Variants in VASP observed in about 807,000 individuals in gnomAD.
VASP encodes the protein vasodilator stimulated phosphoprotein.
A neutral mutation model predicts 54.4 loss-of-function variants in VASP; 27 were observed. The ratio of observed to expected loss-of-function variants is 0.50; its 90% CI spans 0.37 to 0.68. VASP has a LOEUF of 0.68. Ranked by LOEUF, VASP falls within the 30% of genes least tolerant of loss-of-function variation. The probability of loss-of-function intolerance (pLI) is 0.00; values close to 1 mark genes in which losing one functional copy is unlikely to be tolerated. For synonymous variants in VASP, 233 were observed against 209.8 expected, an observed-to-expected ratio of 1.11 and a Z score of -0.96; for missense variants, 488 against 528.3, an observed-to-expected ratio of 0.92 and a Z score of 0.75.
At chr19:45,513,016 G>A (rs1968630997) in intron 1 of VASP, among the ~76,000 whole-genome samples, 1 of 152,138 alleles carries the variant, frequency 6.6e-6, no homozygotes, top group Non-Finnish European at 1.5e-5. Flanking sequence ...TGGGAACTTC[G>A]TTTCAACTAT....
At chr19:45,514,260 C>T (rs994998522) in intron 1 of VASP, among the ~76,000 whole-genome samples, 33 of 152,014 alleles carry the variant, frequency 2.2e-4, no homozygotes, top group Admixed American at 5.2e-4. Flanking sequence ...GACAGTGGAG[C>T]GGGAAGAAAT....
At chr19:45,525,772 G>A in intron 11 of VASP, 174 bp from the exon 12 acceptor site, 1 of 594,514 alleles carries the variant, frequency 1.7e-6, no homozygotes, top group Non-Finnish European at 3.0e-6. Context: ...GGGAGGCTAA[G>A]GCAGGAGGAT....
At chr19:45,521,441 C>T in intron 4 of VASP, 35 bp downstream of exon 4, 1 of 1,487,744 alleles carries the variant, frequency 6.7e-7, no homozygotes, top group Non-Finnish European at 9.0e-7. Context: ...ACCTTAGCCG[C>T]TGCCAGAGTT....
intron 1 of VASP, among the ~76,000 whole-genome samples, chr19:45,515,149 T>G (rs7256865): frequency 0.083 from 12,673 of 152,180 alleles, 595 homozygotes; most frequent in South Asian, 0.14. Flanking sequence ...GCCTAGGGAC[T>G]TTCCCTGCCC....
chr19:45,524,394 T>A lies in VASP; in HGVS notation c.957-176T>A, dbSNP rs79103247. On this transcript the variant is annotated intron_variant, in intron 10 of 12. Coordinates refer to ENST00000245932, the MANE Select transcript of VASP (RefSeq NM_003370.4). Reference sequence around the variant, plus strand: ...CAGCCTGAGAAATAGAATGTGACTGTCTCAAAACAAAACACAACAAACCAA... The same window carrying A: ...CAGCCTGAGAAATAGAATGTGACTGACTCAAAACAAAACACAACAAACCAA... 1.4e-3 allele frequency: 949 copies of A among 691,306 alleles called. 8 individuals carry two copies. The African/African-American group carries it at 0.016, about 11-fold the overall frequency. The allele number at this position is 691,306 out of a possible 1,614,324, so 42.8% of individuals were successfully genotyped here.
chr19:45,519,246 C>A (rs1221304905), intron 3 of VASP, among the ~76,000 whole-genome samples: 7 of 152,080 alleles, frequency 4.6e-5, no homozygotes, highest in African/African-American at 1.4e-4. Flanking sequence ...TATCTCCTGA[C>A]CTTGTGATCC....
chr19:45,516,343 G>T (rs8099878), intron 1 of VASP, among the ~76,000 whole-genome samples: 80,668 of 152,204 alleles, frequency 0.53, 21,581 homozygotes, highest in Middle Eastern at 0.64. Context: ...AGCCAGGCGA[G>T]GGGTGGGCAG....
At chr19:45,518,451 A>G (rs1308579980) in intron 3 of VASP, among the ~76,000 whole-genome samples, 1 of 152,104 alleles carries the variant, frequency 6.6e-6, no homozygotes, top group Non-Finnish European at 1.5e-5. Context: ...AATCCCAGCT[A>G]TTCGGGATGC....
intron 1 of VASP, among the ~76,000 whole-genome samples, chr19:45,515,260 C>T (rs1199111380): frequency 6.6e-6 from 1 of 152,154 alleles, no homozygotes; most frequent in Non-Finnish European, 1.5e-5. Flanking sequence ...CTCTGACCAC[C>T]AACTTCCCCA....
intron 1 of VASP, among the ~76,000 whole-genome samples, chr19:45,515,263 C>T (rs1437805749): frequency 1.3e-5 from 2 of 152,118 alleles, no homozygotes; most frequent in Non-Finnish European, 2.9e-5. Flanking sequence ...TGACCACCAA[C>T]TTCCCCATTT....
rs900666086 is a variant in VASP, at chr19:45,523,694, A to G, written c.872A>G (p.Asn291Ser). The G allele has an allele frequency of 1.1e-5, 18 of 1,613,976 alleles. No homozygotes were observed. The highest frequency in any genetic ancestry group is 8.0e-5 in the African/African-American group (6 of 74,924). Residue 291 changes from asparagine to serine, a missense_variant and splice_region_variant, in exon 8 of 13, where the codon AAT (asparagine) becomes AGT (serine). Physicochemically the swap from Asn to Ser is conservative, Grantham distance 46. Around this residue, in one of 4 missense-constraint regions of VASP, gnomAD observed 126 missense variants for 134.8 expected, o/e 0.94. Coordinates refer to ENST00000245932, the MANE Select transcript of VASP (RefSeq NM_003370.4). ...GEKTPKDESANQEEPEARVPA... is the reference protein window; with the variant it reads ...GEKTPKDESASQEEPEARVPA... ...AAAACCCCCAAGGATGAATCTGCCA[A>G]TGTAAGTCAGGGACTCTTCTTGCCC...
Position 45,507,747 on chromosome 19 carries a change from C to G in VASP, c.-25C>G. On this transcript the variant is annotated 5_prime_UTR_variant, in exon 1 of 13. Transcript: ENST00000245932. This position sits in a 1 kb window ranked among gnomAD's most constrained non-coding sequence, Gnocchi z 4.4. ...GCCCCGGGAGCAGCCAGCCCGTGGG[C>G]GAGCCGCCCGCCCGCCGAGCAGCCA... The G allele has an allele frequency of 6.6e-7, 1 of 1,510,490 alleles. No homozygotes were observed. Among genetic ancestry groups the G allele is most frequent in the Non-Finnish European group, 8.8e-7 (1 of 1,136,562 alleles). 93.6% of individuals were successfully genotyped at this position (1,510,490 alleles called of 1,614,324 possible).
At chr19:45,524,028 T>TGG in intron 9 of VASP, 69 bp from the exon 10 acceptor site, 1 of 1,602,362 alleles carries the variant, frequency 6.2e-7, no homozygotes, top group Non-Finnish European at 8.5e-7. Flanking sequence ...CTGATGAGGT[T>TGG]GGGGGAGTAA....
chr19:45,508,079 T>A (rs1159519725), intron 1 of VASP, among the ~76,000 whole-genome samples: 1 of 150,956 alleles, frequency 6.6e-6, no homozygotes, highest in African/African-American at 2.4e-5. Context: ...TGGCAGCGAC[T>A]CCCCGCAGGG....
chr19:45,514,747 A>G (rs531808394), intron 1 of VASP, among the ~76,000 whole-genome samples: 15 of 152,174 alleles, frequency 9.9e-5, no homozygotes, highest in Non-Finnish European at 1.5e-4. Flanking sequence ...GGTGTGGGTG[A>G]GGCCGAGGCC....
intron 1 of VASP, among the ~76,000 whole-genome samples, chr19:45,511,138 C>T (rs573379982): frequency 2.1e-4 from 32 of 152,136 alleles, no homozygotes; most frequent in African/African-American, 5.3e-4. Flanking sequence ...GCCCCATCCC[C>T]GACAAAAGAA....
intron 11 of VASP, among the ~76,000 whole-genome samples, chr19:45,525,620 C>A (rs1035187769): frequency 6.6e-6 from 1 of 152,094 alleles, no homozygotes; most frequent in East Asian, 1.9e-4. Context: ...ATCGCTTGAA[C>A]CCGGGAGCCA....
chr19:45,509,517 C>CCCCCCA (rs1555727392), intron 1 of VASP, among the ~76,000 whole-genome samples: 58 of 151,094 alleles, frequency 3.8e-4, no homozygotes, highest in Non-Finnish European at 8.0e-4. Context: ...CCCTGTCCTC[C>CCCCCCA]CCACCACCAC....
chr19:45,510,336 C>G (rs112561116), intron 1 of VASP, among the ~76,000 whole-genome samples: 63 of 152,214 alleles, frequency 4.1e-4, no homozygotes, highest in African/African-American at 1.5e-3. Flanking sequence ...AAGCGATTCT[C>G]CTCCTCAACC....
Sources: gnomAD v4.1 joint callset for allele counts (sites outside exome capture counted in the v4.1 genomes callset) on GRCh38, gnomAD v4.1.1 for gene constraint, gnomAD v4.1.1 regional missense constraint, Gnocchi (gnomAD v3.1) non-coding constraint, MANE v1.5 for transcripts, NCBI Gene and HGNC (gene_info 2026-07-23, HGNC 2026-07-21) for gene names.